EXOC4: variants seen among roughly 807,000 people sequenced by gnomAD.
The protein encoded by EXOC4 is exocyst complex component 4.
Under a neutral mutation model 107.2 loss-of-function variants are expected in EXOC4, and 71 were observed. That is an observed-to-expected ratio of 0.66 (90% CI 0.55 to 0.81). The LOEUF is 0.81. EXOC4 is among the 30% of genes least tolerant of loss of function. The pLI is 0.00. For synonymous variants in EXOC4, 456 were observed against 441.2 expected (o/e 1.03, Z -0.42); for missense variants, 1,108 against 1,189.6 (o/e 0.93, Z 1.01).
intron 9 of EXOC4, among the ~76,000 whole-genome samples, chr7:133,573,397 C>T (rs922845020): frequency 3.3e-5 from 5 of 152,114 alleles, no homozygotes; most frequent in African/African-American, 4.8e-5. Context: ...CCAGTTTCAG[C>T]GCCAGATAGT....
intron 7 of EXOC4, among the ~76,000 whole-genome samples, chr7:133,394,115 T>C (rs928995639): frequency 6.6e-6 from 1 of 152,186 alleles, no homozygotes; most frequent in Non-Finnish European, 1.5e-5. Context: ...CCATTAATAA[T>C]TGGGACTGTC....
intron 10 of EXOC4, among the ~76,000 whole-genome samples, chr7:133,632,267 C>T (rs887668363): frequency 1.3e-5 from 2 of 152,124 alleles, no homozygotes; most frequent in African/African-American, 4.8e-5. Flanking sequence ...TACTTGGTTT[C>T]TACCTTCATT....
chr7:133,285,775 A>G (rs1260142594), intron 2 of EXOC4, among the ~76,000 whole-genome samples: 1 of 150,490 alleles, frequency 6.6e-6, no homozygotes, highest in Non-Finnish European at 1.5e-5. Flanking sequence ...TTTTTTTTCA[A>G]AAGAGCTGGA....
chr7:133,974,407 C>G (rs1056643349), intron 14 of EXOC4, among the ~76,000 whole-genome samples: 1 of 152,192 alleles, frequency 6.6e-6, no homozygotes, highest in Admixed American at 6.5e-5. Context: ...ATACAAACAA[C>G]TAAAGAAAAC....
intron 14 of EXOC4, among the ~76,000 whole-genome samples, chr7:133,974,532 T>C (rs999779755): frequency 4.6e-5 from 7 of 152,322 alleles, no homozygotes; most frequent in Admixed American, 1.3e-4. Context: ...ATTTGATCGG[T>C]AGTACACAAA....
chr7:133,997,629 G>A lies in EXOC4; in HGVS notation c.2344G>A (p.Val782Met). Residue 782 changes from valine to methionine, a missense_variant, in exon 15 of 18, where the codon GTG (valine) becomes ATG (methionine). Physicochemically the swap from Val to Met is conservative, Grantham distance 21. Transcript: ENST00000253861. ...DRCLLVLHLE[V>M]RVHCFHYLIP... is the part of the protein sequence containing the mutation. ...CTGCTTGCTTGTCTTACATCTGGAA[G>A]TGAGGTATGATACAGCCAAGCCCAG... 1 of 1,613,030 alleles carries A rather than the reference G, an allele frequency of 6.2e-7. No homozygotes were observed. The highest frequency in any genetic ancestry group is 1.3e-5 in the African/African-American group (1 of 75,004).
At chr7:133,338,748 CTTTTTTTTTT>C (rs67620822) in intron 5 of EXOC4, among the ~76,000 whole-genome samples, 2 of 87,066 alleles carry the variant, frequency 2.3e-5, no homozygotes, top group African/African-American at 3.9e-5. Flanking sequence ...ATGGTGTAGT[CTTTTTTTTTT>C]TTTTTTTTTT....
chr7:133,643,856 CTGGTCACG>C (rs1485463929), intron 10 of EXOC4, among the ~76,000 whole-genome samples: 1 of 152,188 alleles, frequency 6.6e-6, no homozygotes. Flanking sequence ...ATTTCTGTAA[CTGGTCACG>C]TGGTCATGGC....
intron 10 of EXOC4, among the ~76,000 whole-genome samples, chr7:133,675,439 G>C (rs774784684): frequency 6.6e-6 from 1 of 152,100 alleles, no homozygotes. Context: ...GTTTTTATTT[G>C]ATATGATTTG....
chr7:133,924,652 T>C (rs930576702), intron 13 of EXOC4, among the ~76,000 whole-genome samples: 2 of 152,234 alleles, frequency 1.3e-5, no homozygotes, highest in African/African-American at 4.8e-5. Context: ...AATGTAATGT[T>C]ATATCTCATT....
intron 10 of EXOC4, among the ~76,000 whole-genome samples, chr7:133,745,644 A>G (rs190176687): frequency 6.6e-6 from 1 of 152,066 alleles, no homozygotes; most frequent in African/African-American, 2.4e-5. Context: ...ATTTTTGAAA[A>G]GACTGGAATA....
At chr7:133,639,008 G>T (rs537198918) in intron 10 of EXOC4, among the ~76,000 whole-genome samples, 1 of 152,142 alleles carries the variant, frequency 6.6e-6, no homozygotes, top group South Asian at 2.1e-4. Context: ...TCGTCTTTTG[G>T]ACTGCAGTAC....
chr7:134,008,503 T>A (rs1361910398), intron 17 of EXOC4, among the ~76,000 whole-genome samples: 1 of 152,198 alleles, frequency 6.6e-6, no homozygotes, highest in African/African-American at 2.4e-5. Context: ...TCATTGTGAA[T>A]AACATGTATC....
At chr7:133,932,097 A>T (rs980749272) in intron 13 of EXOC4, among the ~76,000 whole-genome samples, 1 of 152,264 alleles carries the variant, frequency 6.6e-6, no homozygotes, top group African/African-American at 2.4e-5. Context: ...ACTGACTGTC[A>T]TTCTAAATTT....
chr7:133,819,960 C>T (rs1797472969), intron 11 of EXOC4, among the ~76,000 whole-genome samples: 1 of 152,144 alleles, frequency 6.6e-6, no homozygotes, highest in Admixed American at 6.5e-5. Context: ...AACCTCATCA[C>T]CGCCATTTTG....
At chr7:133,924,171 G>T (rs1371575227) in intron 13 of EXOC4, among the ~76,000 whole-genome samples, 2 of 152,186 alleles carry the variant, frequency 1.3e-5, no homozygotes, top group Admixed American at 1.3e-4. Context: ...GGGTGAACAT[G>T]TCCCCACTCG....
At chr7:133,923,375 C>T (rs533399879) in intron 13 of EXOC4, among the ~76,000 whole-genome samples, 21 of 152,204 alleles carry the variant, frequency 1.4e-4, no homozygotes, top group African/African-American at 4.3e-4. Flanking sequence ...CCACCTCGGC[C>T]TCCCTTATAG....
At chr7:133,256,696 A>G (rs1584753302) in intron 1 of EXOC4, among the ~76,000 whole-genome samples, 2 of 152,284 alleles carry the variant, frequency 1.3e-5, no homozygotes, top group Middle Eastern at 6.8e-3. Context: ...TACATTATGT[A>G]TCATAAAATT....
At chr7:133,875,803 T>C (rs1236276711) in intron 11 of EXOC4, among the ~76,000 whole-genome samples, 1 of 152,202 alleles carries the variant, frequency 6.6e-6, no homozygotes, top group African/African-American at 2.4e-5. Flanking sequence ...ACAATAACCT[T>C]CTTCCACAAG....
Sources: allele counts gnomAD v4.1 joint callset (sites outside exome capture counted in the v4.1 genomes callset), GRCh38; gene constraint gnomAD v4.1.1; transcripts MANE v1.5; gene names NCBI Gene and HGNC (gene_info 2026-07-23, HGNC 2026-07-21).